AP2A1: variants seen among roughly 807,000 people sequenced by gnomAD.
AP2A1 encodes the protein adaptor related protein complex 2 subunit alpha 1, also known as AP-2 complex subunit alpha-1.
In AP2A1, 21 loss-of-function variants were observed where a neutral mutation model predicts 107.3. That is an observed-to-expected ratio of 0.20 (90% CI 0.14 to 0.28). The LOEUF is 0.28. Ranked by LOEUF, AP2A1 falls within the 10% of genes least tolerant of loss-of-function variation. The pLI is 1.00. For missense variants in AP2A1, 873 were observed against 1,307.7 expected, an observed-to-expected ratio of 0.67 and a Z score of 5.13; for synonymous variants, 602 against 564.8, an observed-to-expected ratio of 1.07 and a Z score of -0.93.
In AP2A1 at chr19:49,799,471, T is replaced by C; in HGVS notation, c.1110T>C (p.Ile370=). Residue 370 remains isoleucine, a synonymous_variant, in exon 9 of 23, where the codon ATT becomes ATC. Coordinates refer to ENST00000354293, the MANE Select transcript of AP2A1 (RefSeq NM_130787.3). ...EFSHEAVKTH[I]DTVINALKTE... Reference sequence around the variant, plus strand: ...CCCATGAAGCCGTCAAGACGCACATTGACACCGTCATCAATGCCCTCAAGG... The same window carrying C: ...CCCATGAAGCCGTCAAGACGCACATCGACACCGTCATCAATGCCCTCAAGG... The C allele has an allele frequency of 6.2e-7, 1 of 1,611,746 alleles. No individual in the cohort carries two copies. The highest frequency in any genetic ancestry group is 2.2e-5 in the East Asian group (1 of 44,852).
At chr19:49,791,810 G>T in intron 4 of AP2A1, 125 bp from the exon 5 acceptor site, 2 of 1,291,112 alleles carry the variant, frequency 1.5e-6, no homozygotes, top group African/African-American at 1.5e-5. Flanking sequence ...TCCTGCGGCC[G>T]CCTGGCTGTC....
chr19:49,797,167 A>C (rs1408654210), intron 7 of AP2A1: 1 of 152,164 alleles, frequency 6.6e-6, no homozygotes, highest in African/African-American at 2.4e-5. Context: ...TAGGAACTGG[A>C]GACACAGCCT....
intron 1 of AP2A1, among the ~76,000 whole-genome samples, chr19:49,768,047 C>T (rs182109556): frequency 2.1e-4 from 32 of 152,062 alleles, no homozygotes; most frequent in Middle Eastern, 6.8e-3. Flanking sequence ...AGCGCCCAGA[C>T]CTCAAGGAAG....
At chr19:49,784,196 G>A (rs2084710738) in intron 4 of AP2A1, among the ~76,000 whole-genome samples, 1 of 152,366 alleles carries the variant, frequency 6.6e-6, no homozygotes. Flanking sequence ...GGAGGCTGAG[G>A]CAGGCAGATC....
chr19:49,786,429 T>G (rs1600226082), intron 4 of AP2A1, among the ~76,000 whole-genome samples: 1 of 152,162 alleles, frequency 6.6e-6, no homozygotes, highest in African/African-American at 2.4e-5. Context: ...CAGTTTGGAC[T>G]CGCTGCAGTT....
At chr19:49,803,485 C>T (rs961665620) in intron 18 of AP2A1, 109 bp downstream of exon 18, 14 of 855,644 alleles carry the variant, frequency 1.6e-5, no homozygotes, top group South Asian at 8.6e-5. Flanking sequence ...CTCTTGGGCA[C>T]GCAATTAGTT....
In AP2A1 at chr19:49,785,234, G is replaced by A. The variant is rs565419007; in HGVS notation, c.473+2510G>A. Among the ~76,000 whole-genome samples the A allele has an allele frequency of 1.6e-4, 24 of 152,328 alleles. No homozygotes were observed. Among genetic ancestry groups the A allele is most frequent in the African/African-American group, 5.8e-4 (24 of 41,588 alleles). On this transcript the variant is annotated intron_variant, in intron 4 of 22. Coordinates refer to ENST00000354293, the MANE Select transcript of AP2A1 (RefSeq NM_130787.3). The surrounding 1 kb of genome is among the most constrained non-coding windows in gnomAD (Gnocchi z 4.1). ...TCATAAGCAAAAGTACAGACTGTAG[G>A]GGGTGACTGTGGGGCAGCAAGACCA...
rs1246803237 is a variant in AP2A1 at position 49,799,319 on chromosome 19, G to A, written c.966-8G>A. On this transcript the variant is annotated splice_polypyrimidine_tract_variant and splice_region_variant and intron_variant, in intron 8 of 22. Transcript: ENST00000354293. ...TCACCATCCCTCTCTTGTGGCCCCT[G>A]CTGGCAGTGAGCCCAACCTCCTGGT... The A allele has an allele frequency of 6.2e-7, 1 of 1,608,364 alleles. No homozygotes were observed. Among genetic ancestry groups the A allele is most frequent in the South Asian group, 1.1e-5 (1 of 90,792 alleles).
Position 49,801,634 on chromosome 19 carries a change from TC to T in AP2A1, c.1785+19del. 6.7e-7 allele frequency: 1 copy of T among 1,482,298 alleles called. No individual in the cohort carries two copies. Among genetic ancestry groups the T allele is most frequent in the South Asian group, 1.2e-5 (1 of 85,560 alleles). 91.8% of individuals were successfully genotyped at this position (1,482,298 alleles called of 1,614,324 possible). A position where few individuals can be genotyped will look rare whatever the true frequency, so the allele number is the denominator to read the frequency against. On this transcript the variant is annotated intron_variant, in intron 13 of 22. Transcript: ENST00000354293. ...CACCGACGTCCTGGTCAGAGCCCTG[TC>T]CCCCCACCCCACCCCTCTTGCACAC... is the stretch of plus-strand genomic sequence containing the variant.
intron 6 of AP2A1, among the ~76,000 whole-genome samples, chr19:49,794,357 G>A (rs12610341): frequency 0.11 from 16,530 of 151,738 alleles, 1,171 homozygotes; most frequent in East Asian, 0.23. Context: ...TGGGACTGCA[G>A]GTGCCTGGCT....
At chr19:49,792,100 G>A (rs1329878528) in intron 5 of AP2A1, 36 bp downstream of exon 5, 1 of 1,602,032 alleles carries the variant, frequency 6.2e-7, no homozygotes. Flanking sequence ...GGATACCCAG[G>A]GCTCCCACCT....
Position 49,767,128 on chromosome 19 carries a change from G to T in AP2A1, c.-6G>T. 1 of 1,610,944 alleles carries T rather than the reference G, an allele frequency of 6.2e-7. No homozygotes were observed. Among genetic ancestry groups the T allele is most frequent in the Non-Finnish European group, 8.5e-7 (1 of 1,179,598 alleles). The stretch of plus-strand genomic sequence containing the variant: ...GGCCAGGCCTGGAGCCGACACCACC[G>T]CCATCATGCCGGCCGTGTCCAAGGG... On this transcript the variant is annotated 5_prime_UTR_variant, in exon 1 of 23. Coordinates refer to ENST00000354293, the MANE Select transcript of AP2A1 (RefSeq NM_130787.3).
chr19:49,787,195 T>A (rs940485523), intron 4 of AP2A1, among the ~76,000 whole-genome samples: 9 of 151,592 alleles, frequency 5.9e-5, no homozygotes, highest in African/African-American at 2.2e-4. Flanking sequence ...CTTTTTTTTT[T>A]TGTAGAGATG....
At chr19:49,780,774 G>A (rs2084666032) in intron 1 of AP2A1, among the ~76,000 whole-genome samples, 1 of 152,160 alleles carries the variant, frequency 6.6e-6, no homozygotes, top group Non-Finnish European at 1.5e-5. Context: ...ATTTTGGGAG[G>A]CTGAGGTGGG....
chr19:49,798,284 T>C (rs1352640280), intron 7 of AP2A1, among the ~76,000 whole-genome samples: 2 of 152,116 alleles, frequency 1.3e-5, no homozygotes, highest in Non-Finnish European at 2.9e-5. Context: ...CCTTGTCTCC[T>C]TTGGCCTCCC....
chr19:49,774,918 C>CA (rs35089200), intron 1 of AP2A1, among the ~76,000 whole-genome samples: 272 of 121,070 alleles, frequency 2.2e-3, no homozygotes, highest in Admixed American at 3.3e-3. Flanking sequence ...GACTTTGTCT[C>CA]AAAAAAAAAA....
rs139265800 is a variant in AP2A1 at position 49,794,255 on chromosome 19, G to A, written c.705+1163G>A. ...TTTTTTGAGACAGGGTCTTGCTGTC[G>A]CCCAGGCTGGAGTGCAGTAGTGCAG... On this transcript the variant is annotated intron_variant, in intron 6 of 22. Coordinates refer to ENST00000354293, the MANE Select transcript of AP2A1 (RefSeq NM_130787.3). Among the ~76,000 whole-genome samples, 715 of 139,784 alleles carry A rather than the reference G, an allele frequency of 5.1e-3. 4 individuals carry two copies. The highest frequency in any genetic ancestry group is 0.013 in the Middle Eastern group (3 of 232). The allele number at this position is 139,784 out of a possible 152,430, so 91.7% of individuals were successfully genotyped here. A position where few individuals can be genotyped will look rare whatever the true frequency, so the allele number is the denominator to read the frequency against.
intron 22 of AP2A1, chr19:49,806,454 G>A (rs2073386945): frequency 7.0e-6 from 10 of 1,436,038 alleles, no homozygotes; most frequent in East Asian, 2.5e-5. Context: ...TCCTCTTCCT[G>A]TCCCTCCCTG....
rs769925368 is a variant in AP2A1, at chr19:49,788,239, G to C, written c.474-3696G>C. On this transcript the variant is annotated intron_variant, in intron 4 of 22. Coordinates refer to ENST00000354293, the MANE Select transcript of AP2A1 (RefSeq NM_130787.3). The surrounding 1 kb of genome is among the most constrained non-coding windows in gnomAD (Gnocchi z 4.5). ...GCTGAGATTACAGGCGTGAGCCACC[G>C]CGCCTGACTTGTGGTTTTATTTTTT... 6.6e-6 allele frequency among the ~76,000 whole-genome samples: 1 copy of C among 152,180 alleles called. No individual in the cohort carries two copies. Among genetic ancestry groups the C allele is most frequent in the African/African-American group, 2.4e-5 (1 of 41,444 alleles).
Sources: gnomAD v4.1 joint callset for allele counts (sites outside exome capture counted in the v4.1 genomes callset) on GRCh38, gnomAD v4.1.1 for gene constraint, Gnocchi (gnomAD v3.1) non-coding constraint, MANE v1.5 for transcripts, NCBI Gene and HGNC (gene_info 2026-07-23, HGNC 2026-07-21) for gene names.